Variants in PDK3 observed in about 807,000 individuals in gnomAD.
PDK3 encodes the protein pyruvate dehydrogenase kinase 3.
PDK3 carries 12 observed loss-of-function variants against 32.0 expected under a neutral mutation model. The observed-to-expected ratio is 0.37, with a 90% CI of 0.24 to 0.61. The LOEUF is 0.61. PDK3 is among the 20% of genes least tolerant of loss of function. The probability of loss-of-function intolerance (pLI) is 0.65; values close to 1 mark genes in which losing one functional copy is unlikely to be tolerated. For missense variants in PDK3, 188 were observed against 316.9 expected (o/e 0.59, Z 3.09); for synonymous variants, 122 against 116.3 (o/e 1.05, Z -0.31).
At chrX:24,479,801 A>C (rs191174525) in intron 1 of PDK3, among the ~76,000 whole-genome samples, 62 of 111,160 alleles carry the variant, frequency 5.6e-4, no homozygotes, top group East Asian at 1.7e-3. Context: ...AACAAACAAA[A>C]AAAAAAGGAC....
At chrX:24,540,414 T>G (rs1395801556) in exon 12 of PDK3, among the ~76,000 whole-genome samples, 1 of 111,924 alleles carries the variant, frequency 8.9e-6, no homozygotes, top group Non-Finnish European at 1.9e-5. Context: ...TTGAGTCCAC[T>G]GATGTAGAAG....
chrX:24,482,457 G>A lies in PDK3; in HGVS notation c.107-12285G>A, dbSNP rs753215123. On this transcript the variant is annotated intron_variant, in intron 1 of 10. Coordinates refer to ENST00000379162, the MANE Select transcript of PDK3 (RefSeq NM_005391.5). ...ACTCCTGACCTCAAGTAATCTGCCCGCCTTGGCCTCTCAAAGTGCTGGGAT... is the reference window on the plus strand; with the variant it reads ...ACTCCTGACCTCAAGTAATCTGCCCACCTTGGCCTCTCAAAGTGCTGGGAT... Among the ~76,000 whole-genome samples the A allele has an allele frequency of 2.5e-3, 282 of 111,767 alleles. 1 individual carries two copies. The highest frequency in any genetic ancestry group is 4.1e-3 in the Non-Finnish European group (220 of 53,151).
intron 1 of PDK3, among the ~76,000 whole-genome samples, chrX:24,474,562 C>T (rs1198764539): frequency 1.8e-5 from 2 of 109,878 alleles, no homozygotes; most frequent in Non-Finnish European, 3.8e-5. Context: ...TACAGGCATG[C>T]GCCACCACGC....
intron 1 of PDK3, among the ~76,000 whole-genome samples, chrX:24,472,934 A>G (rs1451626716): frequency 1.3e-4 from 14 of 107,073 alleles, no homozygotes; most frequent in Non-Finnish European, 2.3e-4. Context: ...TGATCTGCCC[A>G]CCTCAGCCTC....
At chrX:24,512,772 A>G (rs781533970) in intron 5 of PDK3, among the ~76,000 whole-genome samples, 21 of 111,026 alleles carry the variant, frequency 1.9e-4, no homozygotes, top group Admixed American at 5.7e-4. Context: ...GAAAAAAAAA[A>G]GAAATTGGAA....
At chrX:24,476,448 T>C (rs113317524) in intron 1 of PDK3, among the ~76,000 whole-genome samples, 3 of 112,043 alleles carry the variant, frequency 2.7e-5, no homozygotes, top group African/African-American at 6.5e-5. Context: ...ATGCAAATAC[T>C]CTAGGCCATT....
intron 6 of PDK3, 48 bp from the exon 7 acceptor site, chrX:24,526,150 C>T (rs751030553): frequency 1.3e-5 from 12 of 901,901 alleles, no homozygotes; most frequent in South Asian, 1.2e-4. Flanking sequence ...TCTTGAATTT[C>T]TCCTACTTTG....
intron 1 of PDK3, among the ~76,000 whole-genome samples, chrX:24,492,949 G>A (rs1345224178): frequency 1.9e-5 from 2 of 107,144 alleles, no homozygotes; most frequent in Admixed American, 1.0e-4. Context: ...GCAGTGAGTC[G>A]AGATCATGCC....
At chrX:24,488,040 T>G (rs904007279) in intron 1 of PDK3, among the ~76,000 whole-genome samples, 1 of 105,563 alleles carries the variant, frequency 9.5e-6, no homozygotes, top group African/African-American at 3.5e-5. Flanking sequence ...AGACACTTAT[T>G]ATCAGGTGAC....
intron 1 of PDK3, 95 bp downstream of exon 1, chrX:24,465,656 A>T (rs940264989): frequency 1.5e-6 from 1 of 657,701 alleles, no homozygotes; most frequent in Non-Finnish European, 2.4e-6. Flanking sequence ...AGTCTGTGGG[A>T]ACCGCAGGCG....
At chrX:24,510,238 C>G (rs191605909) in intron 5 of PDK3, among the ~76,000 whole-genome samples, 8 of 112,172 alleles carry the variant, frequency 7.1e-5, no homozygotes, top group Non-Finnish European at 1.5e-4. Flanking sequence ...AAAGGAAAGG[C>G]CTTATATGAA....
At chrX:24,466,084 C>A (rs889556732) in intron 1 of PDK3, among the ~76,000 whole-genome samples, 2 of 110,797 alleles carry the variant, frequency 1.8e-5, no homozygotes, top group African/African-American at 6.6e-5. Flanking sequence ...CAGTTAGAGG[C>A]CTGGCCTGCA....
intron 6 of PDK3, among the ~76,000 whole-genome samples, chrX:24,519,412 C>G (rs780619944): frequency 9.8e-6 from 1 of 102,171 alleles, no homozygotes; most frequent in East Asian, 3.0e-4. Context: ...TTCTGTTGCC[C>G]GGGTTGGAGT....
intron 2 of PDK3, among the ~76,000 whole-genome samples, chrX:24,496,683 A>C: frequency 9.9e-6 from 1 of 100,640 alleles, no homozygotes; most frequent in Middle Eastern, 5.1e-3. Flanking sequence ...TCTTATGCAT[A>C]ATGGGCTGTG....
At chrX:24,497,686 A>G (rs1921751800) in intron 2 of PDK3, among the ~76,000 whole-genome samples, 1 of 113,123 alleles carries the variant, frequency 8.8e-6, no homozygotes, top group Non-Finnish European at 1.9e-5. Context: ...TGGCATTCTC[A>G]TTGGAGTATT....
At chrX:24,484,154 G>A (rs1921337826) in intron 1 of PDK3, among the ~76,000 whole-genome samples, 1 of 110,738 alleles carries the variant, frequency 9.0e-6, no homozygotes, top group Admixed American at 9.6e-5. Flanking sequence ...TGGGACTACA[G>A]GCACGTGCCA....
At chrX:24,541,007 T>G (rs1208821136) in exon 12 of PDK3, among the ~76,000 whole-genome samples, 1 of 96,223 alleles carries the variant, frequency 1.0e-5, no homozygotes, top group Non-Finnish European at 2.0e-5. Context: ...CCTCCCAGGT[T>G]CAAGCAATTC....
At chrX:24,513,489 A>C (rs1922178375) in intron 5 of PDK3, 1 of 139,479 alleles carries the variant, frequency 7.2e-6, no homozygotes, top group Admixed American at 6.5e-5. Context: ...ATACTTGCAA[A>C]ATAGATCTCG....
intron 1 of PDK3, among the ~76,000 whole-genome samples, chrX:24,472,675 C>CTTTTTTTTTTTTTTTTTTTTTT (rs761538432): frequency 2.0e-5 from 1 of 49,717 alleles, no homozygotes; most frequent in Non-Finnish European, 3.4e-5. Flanking sequence ...TTCTTTCTTT[C>CTTTTTTTTTTTTTTTTTTTTTT]TTTTTTTTTT....
Sources: gnomAD v4.1 joint callset for allele counts (sites outside exome capture counted in the v4.1 genomes callset) on GRCh38, gnomAD v4.1.1 for gene constraint, MANE v1.5 for transcripts, NCBI Gene and HGNC (gene_info 2026-07-23, HGNC 2026-07-21) for gene names.